NKAIN2: variants seen among roughly 807,000 people sequenced by gnomAD.
NKAIN2 encodes sodium/potassium-transporting ATPase subunit beta-1-interacting protein 2.
NKAIN2 carries 14 observed loss-of-function variants against 32.6 expected under a neutral mutation model. The ratio of observed to expected loss-of-function variants is 0.43; its 90% CI spans 0.28 to 0.67. The LOEUF (loss-of-function observed/expected upper bound fraction) is 0.67. NKAIN2 is among the 30% of genes least tolerant of loss of function. The pLI is 0.17. For missense variants in NKAIN2, 198 were observed against 258.3 expected (o/e 0.77, Z 1.60); for synonymous variants, 80 against 87.2 (o/e 0.92, Z 0.46).
intron 4 of NKAIN2, among the ~76,000 whole-genome samples, chr6:124,787,229 A>T (rs1779546344): frequency 6.6e-6 from 1 of 152,118 alleles, no homozygotes; most frequent in African/African-American, 2.4e-5. Context: ...GGTCAGCTTA[A>T]TACCGGGAGA....
intron 1 of NKAIN2, among the ~76,000 whole-genome samples, chr6:124,051,174 C>A (rs1243587699): frequency 6.6e-6 from 1 of 151,952 alleles, no homozygotes; most frequent in Non-Finnish European, 1.5e-5. Context: ...TCATGGTGAA[C>A]TTTATAGACA....
At chr6:124,360,028 A>G (rs1413494032) in intron 3 of NKAIN2, among the ~76,000 whole-genome samples, 1 of 152,212 alleles carries the variant, frequency 6.6e-6, no homozygotes, top group Admixed American at 6.5e-5. Context: ...CTATTGAGAT[A>G]ATCATGTGGT....
intron 4 of NKAIN2, among the ~76,000 whole-genome samples, chr6:124,695,870 GA>G (rs1774473758): frequency 6.6e-6 from 1 of 152,206 alleles, no homozygotes; most frequent in Non-Finnish European, 1.5e-5. Flanking sequence ...GTTAACAAGA[GA>G]AAGGCATAAC....
chr6:124,598,676 GA>G (rs34291555), intron 3 of NKAIN2, among the ~76,000 whole-genome samples: 7,566 of 142,186 alleles, frequency 0.053, 268 homozygotes, highest in East Asian at 0.18. Flanking sequence ...TGAAGATTTT[GA>G]AAAAAAAAAA....
In NKAIN2 at chr6:124,403,973, A is replaced by T. The variant is rs542309634; in HGVS notation, c.273+48626A>T. ...AGTTATTTTAAAGCCTATGCAAGTT[A>T]ACTTTTCTATCTAAAGCACCTATGT... is the stretch of plus-strand genomic sequence containing the variant. On this transcript the variant is annotated intron_variant, in intron 3 of 6. Transcript: ENST00000368417. Among the ~76,000 whole-genome samples, 6 of 152,260 alleles carry T rather than the reference A, an allele frequency of 3.9e-5. No homozygotes were observed. In the East Asian group the frequency reaches 1.2e-3, roughly 29 times the overall value.
intron 3 of NKAIN2, among the ~76,000 whole-genome samples, chr6:124,482,232 T>A (rs1358284669): frequency 1.3e-5 from 2 of 152,148 alleles, no homozygotes; most frequent in African/African-American, 4.8e-5. Flanking sequence ...TACTCTAACA[T>A]TCTTTGTGAG....
At chr6:124,056,725 T>C (rs1047802692) in intron 1 of NKAIN2, among the ~76,000 whole-genome samples, 2 of 152,196 alleles carry the variant, frequency 1.3e-5, no homozygotes, top group South Asian at 2.1e-4. Flanking sequence ...TTTGTGTTAC[T>C]GTATATATTT....
chr6:124,578,572 A>G (rs1273940460), intron 3 of NKAIN2, among the ~76,000 whole-genome samples: 2 of 152,138 alleles, frequency 1.3e-5, no homozygotes, highest in Non-Finnish European at 2.9e-5. Flanking sequence ...AGCAACAGGT[A>G]GATTTCTAAG....
At chr6:124,646,831 A>C (rs565124860) in intron 3 of NKAIN2, among the ~76,000 whole-genome samples, 1 of 152,208 alleles carries the variant, frequency 6.6e-6, no homozygotes, top group Non-Finnish European at 1.5e-5. Context: ...CATGCCTGTA[A>C]ACCATGATAC....
intron 4 of NKAIN2, among the ~76,000 whole-genome samples, chr6:124,736,903 C>T (rs12191554): frequency 0.021 from 3,179 of 151,916 alleles, 46 homozygotes; most frequent in South Asian, 0.034. Context: ...ACTTTCAGCT[C>T]TTATTATTTT....
intron 1 of NKAIN2, among the ~76,000 whole-genome samples, chr6:124,084,456 G>A (rs894021182): frequency 2.6e-5 from 4 of 151,938 alleles, no homozygotes; most frequent in Admixed American, 1.3e-4. Flanking sequence ...GTTCATGTAA[G>A]TACACCTTGT....
At chr6:124,123,393 A>G (rs894047143) in intron 1 of NKAIN2, among the ~76,000 whole-genome samples, 1 of 152,138 alleles carries the variant, frequency 6.6e-6, no homozygotes, top group Non-Finnish European at 1.5e-5. Flanking sequence ...AGAACCAAAA[A>G]TAAATTCCAA....
At chr6:124,513,756 C>G (rs945340093) in intron 3 of NKAIN2, among the ~76,000 whole-genome samples, 3 of 152,150 alleles carry the variant, frequency 2.0e-5, no homozygotes, top group Non-Finnish European at 4.4e-5. Context: ...AGAACCATTT[C>G]TGCTTTGGTG....
intron 3 of NKAIN2, among the ~76,000 whole-genome samples, chr6:124,641,374 A>C (rs187849142): frequency 6.6e-6 from 1 of 152,202 alleles, no homozygotes; most frequent in Admixed American, 6.5e-5. Flanking sequence ...AAAAAGAAAT[A>C]ATGGCCTTTG....
At chr6:123,861,277 T>G (rs1249678986) in intron 1 of NKAIN2, among the ~76,000 whole-genome samples, 1 of 152,246 alleles carries the variant, frequency 6.6e-6, no homozygotes, top group Non-Finnish European at 1.5e-5. Context: ...GAAGTCTATT[T>G]CATTTTAGTA....
intron 4 of NKAIN2, among the ~76,000 whole-genome samples, chr6:124,752,337 G>A (rs1158399378): frequency 6.6e-6 from 1 of 151,782 alleles, no homozygotes; most frequent in African/African-American, 2.4e-5. Context: ...CAAAGCTCTT[G>A]GTTCTGCAAT....
chr6:123,829,879 T>G (rs1378360595), intron 1 of NKAIN2, among the ~76,000 whole-genome samples: 1 of 152,130 alleles, frequency 6.6e-6, no homozygotes, highest in African/African-American at 2.4e-5. Context: ...CTTCTTTCAG[T>G]GTTCTTTGTT....
At chr6:124,232,815 T>A (rs1792529795) in intron 1 of NKAIN2, among the ~76,000 whole-genome samples, 1 of 152,190 alleles carries the variant, frequency 6.6e-6, no homozygotes, top group Non-Finnish European at 1.5e-5. Flanking sequence ...ATTCTGTTAC[T>A]CACAGTGCTT....
chr6:124,813,780 A>C (rs1781020292), intron 5 of NKAIN2, among the ~76,000 whole-genome samples: 1 of 152,152 alleles, frequency 6.6e-6, no homozygotes, highest in Non-Finnish European at 1.5e-5. Context: ...TGGGGAATTT[A>C]GTTTATTTTT....
Sources: allele counts gnomAD v4.1 joint callset (sites outside exome capture counted in the v4.1 genomes callset), GRCh38; gene constraint gnomAD v4.1.1; transcripts MANE v1.5; gene names NCBI Gene and HGNC (gene_info 2026-07-23, HGNC 2026-07-21).